Variants in SMYD3 observed in about 807,000 individuals in gnomAD.
SMYD3 encodes histone-lysine N-methyltransferase SMYD3.
In SMYD3, 36 loss-of-function variants were observed where a neutral mutation model predicts 57.7. The observed-to-expected ratio is 0.62, with a 90% CI of 0.48 to 0.82. The LOEUF is 0.82. Ranked by LOEUF, SMYD3 falls within the 40% of genes least tolerant of loss-of-function variation. The pLI is 0.00. For missense variants in SMYD3, 515 were observed against 538.8 expected (o/e 0.96, Z 0.44); for synonymous variants, 211 against 195.0 (o/e 1.08, Z -0.68).
chr1:245,980,614 C>T (rs138132946), intron 5 of SMYD3, among the ~76,000 whole-genome samples: 16 of 152,340 alleles, frequency 1.1e-4, no homozygotes, highest in African/African-American at 3.8e-4. Flanking sequence ...CTCACTGAGG[C>T]TTTTTGGGAA....
At chr1:245,798,787 C>G (rs908977684) in intron 10 of SMYD3, among the ~76,000 whole-genome samples, 1 of 152,000 alleles carries the variant, frequency 6.6e-6, no homozygotes, top group African/African-American at 2.4e-5. Flanking sequence ...TTCAGATCAC[C>G]CTTCTGGCCT....
intron 10 of SMYD3, among the ~76,000 whole-genome samples, chr1:245,775,203 CTGTCCGGGAGGTGTACGCAGCAGGTCAT>C (rs1387118114): frequency 1.3e-5 from 2 of 152,218 alleles, no homozygotes; most frequent in African/African-American, 4.8e-5. Context: ...GCCAGCCGCC[CTGTCCGGGAGGTGTACGCAGCAGGTCAT>C]TGAGAACGGG....
intron 1 of SMYD3, among the ~76,000 whole-genome samples, chr1:246,422,279 G>A (rs1490265279): frequency 1.3e-5 from 2 of 152,020 alleles, no homozygotes; most frequent in African/African-American, 4.8e-5. Context: ...ATCTTGTTTA[G>A]AATAAATAGA....
rs1264790359 is a variant in SMYD3, at chr1:246,221,845, G to A, written c.531+105356C>T. ...GCGCAGCCTGCCAGGGCGAGTGGGTGGAACAAGCCCAGCAGGTCCAAGCAA... is the reference window on the plus strand; with the variant it reads ...GCGCAGCCTGCCAGGGCGAGTGGGTAGAACAAGCCCAGCAGGTCCAAGCAA... On this transcript the variant is annotated intron_variant, in intron 5 of 11. Coordinates refer to ENST00000490107, the MANE Select transcript of SMYD3 (RefSeq NM_001167740.2). 2.6e-5 allele frequency among the ~76,000 whole-genome samples: 4 copies of A among 152,192 alleles called. No homozygotes were observed. In the East Asian group the frequency reaches 5.8e-4, roughly 22 times the overall value.
chr1:246,241,836 G>C (rs143647552), intron 5 of SMYD3, among the ~76,000 whole-genome samples: 2 of 152,014 alleles, frequency 1.3e-5, no homozygotes, highest in Non-Finnish European at 2.9e-5. Flanking sequence ...TGTATCTGTC[G>C]AGGAATTTAT....
intron 1 of SMYD3, among the ~76,000 whole-genome samples, chr1:246,438,063 T>C (rs368506379): frequency 0.038 from 4,710 of 123,316 alleles, 110 homozygotes; most frequent in Non-Finnish European, 0.058. Flanking sequence ...AAAGATCAAA[T>C]AGAGGGGGGA....
intron 1 of SMYD3, among the ~76,000 whole-genome samples, chr1:246,464,134 C>T (rs1456120226): frequency 6.6e-6 from 1 of 152,014 alleles, no homozygotes; most frequent in African/African-American, 2.4e-5. Context: ...GGAGAGGGTG[C>T]TCTTTGTTTT....
chr1:246,013,615 C>T (rs987701437), intron 5 of SMYD3, among the ~76,000 whole-genome samples: 1 of 152,082 alleles, frequency 6.6e-6, no homozygotes, highest in African/African-American at 2.4e-5. Flanking sequence ...ATGAAAATCT[C>T]GTCAATGCAG....
intron 5 of SMYD3, among the ~76,000 whole-genome samples, chr1:246,183,990 G>C: frequency 6.6e-6 from 1 of 152,112 alleles, no homozygotes; most frequent in East Asian, 1.9e-4. Context: ...AAAGACATTA[G>C]GCATGGAAGT....
At chr1:246,506,299 G>C (rs2068535303) in intron 1 of SMYD3, among the ~76,000 whole-genome samples, 1 of 151,948 alleles carries the variant, frequency 6.6e-6, no homozygotes, top group South Asian at 2.1e-4. Context: ...CCGGCACAGC[G>C]CGTCCAGGCT....
intron 8 of SMYD3, among the ~76,000 whole-genome samples, chr1:245,896,231 C>T (rs1409380875): frequency 6.6e-6 from 1 of 152,024 alleles, no homozygotes; most frequent in Non-Finnish European, 1.5e-5. Context: ...TTCTTTGCCT[C>T]CAAAGACTTA....
At chr1:246,417,386 AG>A (rs35347866) in intron 1 of SMYD3, 49,146 of 151,988 alleles carry the variant, frequency 0.32, 8,333 homozygotes, top group Non-Finnish European at 0.36. Flanking sequence ...GAGCAGAAGG[AG>A]GGGAGGTATC....
At chr1:245,953,645 T>C (rs967552514) in intron 5 of SMYD3, among the ~76,000 whole-genome samples, 1 of 152,100 alleles carries the variant, frequency 6.6e-6, no homozygotes, top group Non-Finnish European at 1.5e-5. Flanking sequence ...GATCTTGAAC[T>C]CCTGACCTCA....
rs984160784 is a variant in SMYD3, at chr1:245,881,474, A to G, written c.814-17588T>C. ...TGAAATTGTTTTATGAGTAAAAGTC[A>G]TTTTGAAGCATCAGGTAATAGAGAT... On this transcript the variant is annotated intron_variant, in intron 8 of 11. Transcript: ENST00000490107. Among the ~76,000 whole-genome samples, 3 of 152,136 alleles carry G rather than the reference A, an allele frequency of 2.0e-5. No individual in the cohort carries two copies. In the East Asian group the frequency reaches 5.8e-4, roughly 29 times the overall value.
rs551143911 is a variant in SMYD3 at position 246,170,922 on chromosome 1, T to C, written c.531+156279A>G. Reference sequence around the variant, plus strand: ...ACTGTATTTTGCAAAACCTTTCAGTTTTTTTATATGCAAAATTCATGTTAT... The same window carrying C: ...ACTGTATTTTGCAAAACCTTTCAGTCTTTTTATATGCAAAATTCATGTTAT... On this transcript the variant is annotated intron_variant, in intron 5 of 11. Coordinates refer to ENST00000490107, the MANE Select transcript of SMYD3 (RefSeq NM_001167740.2). Among the ~76,000 whole-genome samples the C allele has an allele frequency of 3.2e-4, 49 of 152,338 alleles. No homozygotes were observed. The East Asian group carries it at 9.1e-3, about 28-fold the overall frequency.
chr1:245,872,767 A>G (rs2052279507), intron 8 of SMYD3, among the ~76,000 whole-genome samples: 1 of 152,194 alleles, frequency 6.6e-6, no homozygotes, highest in Non-Finnish European at 1.5e-5. Flanking sequence ...CAAACCACAC[A>G]TTCAAACCAA....
intron 5 of SMYD3, among the ~76,000 whole-genome samples, chr1:246,248,645 T>G (rs1435517864): frequency 7.6e-6 from 1 of 132,272 alleles, no homozygotes; most frequent in South Asian, 2.9e-4. Context: ...CCTTTTTTTT[T>G]TTTTTTTTTT....
intron 1 of SMYD3, among the ~76,000 whole-genome samples, chr1:246,419,556 C>T (rs1188705144): frequency 1.3e-5 from 2 of 152,152 alleles, no homozygotes; most frequent in South Asian, 2.1e-4. Context: ...TCACCTAGGT[C>T]GATGGGGGTA....
chr1:245,783,294 T>C (rs2046906935), intron 10 of SMYD3, among the ~76,000 whole-genome samples: 1 of 152,218 alleles, frequency 6.6e-6, no homozygotes, highest in Admixed American at 6.5e-5. Flanking sequence ...GAAGATGCCA[T>C]TTCAGTCAAC....
Sources: allele counts gnomAD v4.1 joint callset (sites outside exome capture counted in the v4.1 genomes callset), GRCh38; gene constraint gnomAD v4.1.1; transcripts MANE v1.5; gene names NCBI Gene and HGNC (gene_info 2026-07-23, HGNC 2026-07-21).